FAM20C: variants seen among roughly 807,000 people sequenced by gnomAD.
The protein encoded by FAM20C is FAM20C golgi associated secretory pathway kinase, also known as extracellular serine/threonine protein kinase FAM20C.
A neutral mutation model predicts 51.5 loss-of-function variants in FAM20C; 40 were observed. The ratio of observed to expected loss-of-function variants is 0.78; its 90% CI spans 0.60 to 1.01. FAM20C has a LOEUF of 1.01. Among genes scored for constraint, FAM20C ranks in the 50% least tolerant of loss-of-function variants. The probability of loss-of-function intolerance (pLI) is 0.00; values close to 1 mark genes in which losing one functional copy is unlikely to be tolerated. For synonymous variants in FAM20C, 406 were observed against 380.6 expected, an observed-to-expected ratio of 1.07 and a Z score of -0.78; for missense variants, 861 against 844.7, an observed-to-expected ratio of 1.02 and a Z score of -0.24.
At chr7:199,052 C>T (rs1786014184) in intron 2 of FAM20C, among the ~76,000 whole-genome samples, 1 of 152,230 alleles carries the variant, frequency 6.6e-6, no homozygotes, top group Non-Finnish European at 1.5e-5. Flanking sequence ...AGGTCCAGGT[C>T]TCCTGGTCTG....
At chr7:249,079 C>G (rs936739548) in intron 5 of FAM20C, among the ~76,000 whole-genome samples, 5 of 152,250 alleles carry the variant, frequency 3.3e-5, no homozygotes, top group Non-Finnish European at 7.3e-5. Context: ...TTTATTTTAA[C>G]TGGTGAAACG....
chr7:213,046 A>G (rs1020914442), intron 3 of FAM20C, among the ~76,000 whole-genome samples: 1 of 152,276 alleles, frequency 6.6e-6, no homozygotes, highest in Non-Finnish European at 1.5e-5. Context: ...CTGGATTTTC[A>G]TACAAATGGA....
intron 6 of FAM20C, 175 bp downstream of exon 6, chr7:256,204 G>T (rs895110902): frequency 2.4e-6 from 2 of 825,534 alleles, no homozygotes; most frequent in Non-Finnish European, 3.7e-6. Flanking sequence ...GGCAGAGGGC[G>T]TCCTTACTCC....
intron 2 of FAM20C, among the ~76,000 whole-genome samples, chr7:196,128 C>G (rs564449492): frequency 1.3e-5 from 2 of 152,328 alleles, no homozygotes; most frequent in East Asian, 1.9e-4. Context: ...CTTTTCTACA[C>G]ACGACCCTGG....
intron 2 of FAM20C, among the ~76,000 whole-genome samples, chr7:207,739 C>T (rs74502926): frequency 0.062 from 9,449 of 152,340 alleles, 453 homozygotes; most frequent in East Asian, 0.2. Context: ...CCCGGACCTA[C>T]CGGTCCACAG....
At chr7:257,869 G>A (rs1470197621) in intron 8 of FAM20C, among the ~76,000 whole-genome samples, 54 of 26,954 alleles carry the variant, frequency 2.0e-3, no homozygotes, top group African/African-American at 7.9e-3. Context: ...GCTGGAGATG[G>A]GGCTGGGTGG....
rs1295412790 is a variant in FAM20C, at chr7:246,506, A to G, written c.955A>G (p.Arg319Gly). 5.9e-6 allele frequency: 9 copies of G among 1,536,108 alleles called. No individual in the cohort carries two copies. The highest frequency in any genetic ancestry group is 2.0e-5 in the Admixed American group (1 of 50,950). The stretch of plus-strand genomic sequence containing the variant: ...GGAGATTGCTGCCTTCCACCTGGAC[A>G]GGTGAGCCCTTCCTTCCTCCCTCCA... ...NAEIAAFHLDRILDFRRVPPV... is the reference protein window; with the variant it reads ...NAEIAAFHLDGILDFRRVPPV... The change falls in exon 4 of 10, where the codon AGG becomes GGG. Residue 319 changes from arginine to glycine, a missense_variant and splice_region_variant. Arg to Gly is a moderately radical substitution (Grantham distance 125, BLOSUM62 -2). Transcript: ENST00000313766.
intron 5 of FAM20C, among the ~76,000 whole-genome samples, chr7:252,800 G>T (rs957241882): frequency 1.3e-5 from 2 of 152,254 alleles, no homozygotes; most frequent in Admixed American, 1.3e-4. Flanking sequence ...CCGCACAGCT[G>T]TGTAGGGGCC....
At chr7:195,417 A>G (rs1785810126) in intron 1 of FAM20C, 137 bp from the exon 2 acceptor site, 1 of 765,664 alleles carries the variant, frequency 1.3e-6, no homozygotes, top group Non-Finnish European at 1.9e-6. Flanking sequence ...GGCCCTCTTT[A>G]AGCAGAGGCG....
intron 3 of FAM20C, among the ~76,000 whole-genome samples, chr7:213,101 T>C (rs967881462): frequency 2.0e-5 from 3 of 151,978 alleles, no homozygotes; most frequent in Admixed American, 2.0e-4. Context: ...TTTCCAAGGC[T>C]CTGGAGTCCT....
At chr7:208,791 G>T in intron 2 of FAM20C, 107 bp from the exon 3 acceptor site, 1 of 1,150,824 alleles carries the variant, frequency 8.7e-7, no homozygotes, top group South Asian at 1.5e-5. Flanking sequence ...GGGACCCCTG[G>T]ACCATGCCCA....
intron 2 of FAM20C, chr7:197,017 C>T: frequency 6.3e-6 from 1 of 158,078 alleles, no homozygotes; most frequent in Admixed American, 6.5e-5. Context: ...TTCAGCTGTG[C>T]TGGGGAACAG....
At chr7:218,631 G>A (rs1249722605) in intron 3 of FAM20C, among the ~76,000 whole-genome samples, 1 of 152,240 alleles carries the variant, frequency 6.6e-6, no homozygotes, top group African/African-American at 2.4e-5. Flanking sequence ...CATGACCCGT[G>A]TCCACCACGT....
chr7:245,085 G>C (rs1261498889), intron 3 of FAM20C, among the ~76,000 whole-genome samples: 1 of 152,240 alleles, frequency 6.6e-6, no homozygotes, highest in Non-Finnish European at 1.5e-5. Context: ...GATGATGTCG[G>C]CCCGTGGCAG....
intron 2 of FAM20C, among the ~76,000 whole-genome samples, chr7:204,902 G>T (rs996664204): frequency 2.0e-5 from 3 of 152,034 alleles, no homozygotes; most frequent in Non-Finnish European, 2.9e-5. Flanking sequence ...CCACACTGCC[G>T]CTGTTCTCGG....
chr7:216,632 AGTGTGTG>A (rs1786980664), intron 3 of FAM20C, among the ~76,000 whole-genome samples: 1 of 129,008 alleles, frequency 7.8e-6, no homozygotes, highest in Non-Finnish European at 1.6e-5. Flanking sequence ...AGTGTGTGTG[AGTGTGTG>A]TGAGTGTGTG....
chr7:242,529 C>G (rs1318329392), intron 3 of FAM20C, among the ~76,000 whole-genome samples: 5 of 151,634 alleles, frequency 3.3e-5, no homozygotes, highest in African/African-American at 1.2e-4. Flanking sequence ...GGGGCAGGGC[C>G]AGTGAGCTGG....
chr7:246,932 G>A (rs1223779529), intron 4 of FAM20C, among the ~76,000 whole-genome samples: 2 of 152,176 alleles, frequency 1.3e-5, no homozygotes, highest in Admixed American at 1.3e-4. Flanking sequence ...CCTTAATCCA[G>A]ATGGGCCCCT....
intron 3 of FAM20C, among the ~76,000 whole-genome samples, chr7:223,577 C>T (rs983718979): frequency 2.6e-5 from 4 of 152,190 alleles, no homozygotes; most frequent in Admixed American, 6.5e-5. Flanking sequence ...CTGCAAGTGA[C>T]GTCTGCAGCC....
Sources: allele counts gnomAD v4.1 joint callset (sites outside exome capture counted in the v4.1 genomes callset), GRCh38; gene constraint gnomAD v4.1.1; transcripts MANE v1.5; gene names NCBI Gene and HGNC (gene_info 2026-07-23, HGNC 2026-07-21).